NFIB: variants seen among roughly 807,000 people sequenced by gnomAD.
The protein encoded by NFIB is nuclear factor 1 B-type.
A neutral mutation model predicts 61.5 loss-of-function variants in NFIB; 11 were observed. The observed-to-expected ratio is 0.18, with a 90% CI of 0.11 to 0.30. NFIB has a LOEUF of 0.30. NFIB is among the 10% of genes least tolerant of loss of function. The pLI is 1.00. For missense variants in NFIB, 471 were observed against 608.9 expected (o/e 0.77, Z 2.38); for synonymous variants, 260 against 216.5 (o/e 1.20, Z -1.76).
intron 2 of NFIB, among the ~76,000 whole-genome samples, chr9:14,184,667 G>A (rs2047148738): frequency 6.6e-6 from 1 of 152,136 alleles, no homozygotes; most frequent in East Asian, 1.9e-4. Flanking sequence ...AACTATCTGA[G>A]GTAGATAAAT....
At chr9:14,216,544 C>CTGTGTG (rs1563911463) in intron 2 of NFIB, among the ~76,000 whole-genome samples, 13 of 12,932 alleles carry the variant, frequency 1.0e-3, no homozygotes, top group East Asian at 4.7e-3. Context: ...CTCTCTCTCC[C>CTGTGTG]TCTGTGTGTG....
At chr9:14,407,872 G>C in the NFIB span, among the ~76,000 whole-genome samples, 7 of 152,036 alleles carry the variant, frequency 4.6e-5, no homozygotes, top group African/African-American at 1.7e-4. Context: ...TTTTTGCAGA[G>C]ACAGGGTTCT....
the NFIB span, among the ~76,000 whole-genome samples, chr9:14,437,895 A>C: frequency 1.3e-5 from 2 of 152,324 alleles, no homozygotes; most frequent in East Asian, 3.9e-4. Flanking sequence ...CCCAGTGCCC[A>C]GTTTTCAGAC....
chr9:14,447,717 G>T, the NFIB span, among the ~76,000 whole-genome samples: 33 of 152,194 alleles, frequency 2.2e-4, no homozygotes, highest in East Asian at 2.9e-3. Flanking sequence ...AATTCTTTGG[G>T]ATACAGGCAT....
intron 2 of NFIB, among the ~76,000 whole-genome samples, chr9:14,267,359 G>C (rs2057284924): frequency 6.6e-6 from 1 of 152,144 alleles, no homozygotes; most frequent in South Asian, 2.1e-4. Context: ...CTTATAGATA[G>C]CTTTCTGATA....
At chr9:14,194,990 T>C (rs2048323663) in intron 2 of NFIB, among the ~76,000 whole-genome samples, 1 of 151,918 alleles carries the variant, frequency 6.6e-6, no homozygotes, top group South Asian at 2.1e-4. Context: ...GAGAAAGAGA[T>C]CCCGTAAGCT....
intron 6 of NFIB, among the ~76,000 whole-genome samples, chr9:14,140,898 G>A (rs114288471): frequency 0.016 from 2,421 of 152,256 alleles, 65 homozygotes; most frequent in African/African-American, 0.054. Context: ...TCGTGCCGCT[G>A]CACTCCATCC....
At chr9:14,413,983 A>G in the NFIB span, among the ~76,000 whole-genome samples, 10 of 152,168 alleles carry the variant, frequency 6.6e-5, no homozygotes, top group African/African-American at 2.2e-4. Flanking sequence ...GAACGTCTCA[A>G]TTTCCAGCTT....
chr9:14,308,577 C>A (rs1325491517), intron 1 of NFIB, among the ~76,000 whole-genome samples: 2 of 152,142 alleles, frequency 1.3e-5, no homozygotes, highest in Admixed American at 6.5e-5. Context: ...ACTTTACATT[C>A]TTTGTGTCTC....
the NFIB span, among the ~76,000 whole-genome samples, chr9:14,516,135 C>T: frequency 1.3e-5 from 2 of 152,354 alleles, no homozygotes; most frequent in East Asian, 3.9e-4. Context: ...TGCCTCGAAC[C>T]ACAGTCAGGC....
chr9:14,277,478 A>C (rs2132395937), intron 2 of NFIB, among the ~76,000 whole-genome samples: 1 of 152,382 alleles, frequency 6.6e-6, no homozygotes, highest in East Asian at 1.9e-4. Context: ...AATATGGATT[A>C]GACAGACGCA....
the NFIB span, among the ~76,000 whole-genome samples, chr9:14,509,618 T>C: frequency 6.6e-6 from 1 of 152,210 alleles, no homozygotes; most frequent in African/African-American, 2.4e-5. Flanking sequence ...CCTTGCCCTC[T>C]CCTTTTCTCC....
chr9:14,466,139 G>A, the NFIB span, among the ~76,000 whole-genome samples: 11 of 152,276 alleles, frequency 7.2e-5, no homozygotes, highest in Admixed American at 3.9e-4. Context: ...GAGAGAGCCC[G>A]CATCTCAGCC....
chr9:14,241,403 G>A (rs2054332039), intron 2 of NFIB, among the ~76,000 whole-genome samples: 1 of 152,170 alleles, frequency 6.6e-6, no homozygotes, highest in Non-Finnish European at 1.5e-5. Context: ...AAAGATGACT[G>A]ATAGGACAGA....
the NFIB span, among the ~76,000 whole-genome samples, chr9:14,514,536 A>G: frequency 6.6e-6 from 1 of 152,192 alleles, no homozygotes; most frequent in African/African-American, 2.4e-5. Context: ...AAAGAAGGGA[A>G]TCTTACCTCT....
chr9:14,386,028 C>A lies in NFIB; in HGVS notation c.108+12496G>T, dbSNP rs191840311. On this transcript the variant is annotated intron_variant, in intron 1 of 8. Coordinates refer to the NFIB transcript ENST00000380934. ...AAACTCCTGACCTCAGGTGATCTAC[C>A]CACCTTGGCCTCCCAAAGTGCTGGA... is the stretch of plus-strand genomic sequence containing the variant. 9.3e-4 allele frequency among the ~76,000 whole-genome samples: 141 copies of A among 152,188 alleles called. 2 individuals carry two copies. The highest frequency in any genetic ancestry group is 9.1e-3 in the Admixed American group (139 of 15,272).
chr9:14,134,896 T>TC (rs2040836806), intron 6 of NFIB, among the ~76,000 whole-genome samples: 1 of 36,266 alleles, frequency 2.8e-5, no homozygotes, highest in African/African-American at 1.7e-4. Flanking sequence ...AGACTCTGTC[T>TC]CAAAAAAAAA....
the NFIB span, among the ~76,000 whole-genome samples, chr9:14,496,755 AG>A: frequency 1.3e-5 from 2 of 152,236 alleles, no homozygotes; most frequent in African/African-American, 4.8e-5. Context: ...TCTCAGAGCC[AG>A]ATTTCTCCCC....
At chr9:14,315,014 G>A (rs2060475519), upstream of NFIB, among the ~76,000 whole-genome samples, 1 of 151,936 alleles carries the variant, frequency 6.6e-6, no homozygotes, top group Non-Finnish European at 1.5e-5. Flanking sequence ...CCAGGCCGGG[G>A]CTGGGGCGCG....
Sources: gnomAD v4.1 joint callset for allele counts (sites outside exome capture counted in the v4.1 genomes callset) on GRCh38, gnomAD v4.1.1 for gene constraint, MANE v1.5 for transcripts, NCBI Gene and HGNC (gene_info 2026-07-23, HGNC 2026-07-21) for gene names.